ASXL3: variants seen among roughly 807,000 people sequenced by gnomAD.
The protein encoded by ASXL3 is ASXL transcriptional regulator 3, also known as putative Polycomb group protein ASXL3.
In ASXL3, 34 loss-of-function variants were observed where a neutral mutation model predicts 170.6. The observed-to-expected ratio is 0.20, with a 90% confidence interval of 0.15 to 0.27. ASXL3 has a LOEUF of 0.27. Among genes scored for constraint, ASXL3 ranks in the 10% least tolerant of loss-of-function variants. The pLI, the probability that ASXL3 is intolerant of heterozygous loss-of-function variation, is 1.00. For missense variants in ASXL3, 2,592 were observed against 2,695.3 expected, an observed-to-expected ratio of 0.96 and a Z score of 0.85; for synonymous variants, 1,002 against 989.1, an observed-to-expected ratio of 1.01 and a Z score of -0.24.
intron 10 of ASXL3, among the ~76,000 whole-genome samples, chr18:33,737,935 T>G: frequency 6.6e-6 from 1 of 152,244 alleles, no homozygotes; most frequent in African/African-American, 2.4e-5. Flanking sequence ...CTTGCAGATT[T>G]AAAAAATATA....
chr18:33,673,610 C>T (rs2066380977), intron 7 of ASXL3, among the ~76,000 whole-genome samples: 1 of 152,134 alleles, frequency 6.6e-6, no homozygotes, highest in Non-Finnish European at 1.5e-5. Flanking sequence ...AGGTGATCCG[C>T]CTGCCTTTGC....
At chr18:33,604,024 T>G (rs1473785603) in intron 1 of ASXL3, among the ~76,000 whole-genome samples, 1 of 152,020 alleles carries the variant, frequency 6.6e-6, no homozygotes, top group Non-Finnish European at 1.5e-5. Flanking sequence ...AGGGGACTGT[T>G]TTTGAGGAAA....
intron 8 of ASXL3, among the ~76,000 whole-genome samples, chr18:33,715,525 G>A (rs911057688): frequency 1.3e-5 from 2 of 152,164 alleles, no homozygotes; most frequent in Non-Finnish European, 2.9e-5. Flanking sequence ...CTGGAAGGAA[G>A]GGTGATTTTG....
chr18:33,620,827 C>A (rs890509918), intron 2 of ASXL3, among the ~76,000 whole-genome samples: 5 of 152,214 alleles, frequency 3.3e-5, no homozygotes, highest in African/African-American at 1.2e-4. Flanking sequence ...TTCCAACCAC[C>A]TAATTTCCCC....
At chr18:33,716,793 AC>A (rs1568345764) in intron 8 of ASXL3, among the ~76,000 whole-genome samples, 1 of 151,866 alleles carries the variant, frequency 6.6e-6, no homozygotes, top group East Asian at 1.9e-4. Context: ...TGAACTGTAT[AC>A]TGTCTTCAAG....
intron 8 of ASXL3, among the ~76,000 whole-genome samples, chr18:33,699,883 TTTTA>T (rs1447942224): frequency 1.3e-5 from 2 of 152,082 alleles, no homozygotes; most frequent in Non-Finnish European, 2.9e-5. Context: ...ATACATTATT[TTTTA>T]TTTATATTAT....
chr18:33,610,624 G>T (rs1354662904), intron 2 of ASXL3, among the ~76,000 whole-genome samples: 1 of 151,982 alleles, frequency 6.6e-6, no homozygotes, highest in African/African-American at 2.4e-5. Context: ...CTGCCTGTGT[G>T]TGAGCTCCTT....
At chr18:33,664,644 G>A (rs1449385713) in intron 5 of ASXL3, among the ~76,000 whole-genome samples, 1 of 152,136 alleles carries the variant, frequency 6.6e-6, no homozygotes, top group East Asian at 1.9e-4. Context: ...ACAACAAACT[G>A]TCTTACAAAA....
chr18:33,674,165 TC>T (rs530706732), intron 7 of ASXL3, among the ~76,000 whole-genome samples: 16 of 152,282 alleles, frequency 1.1e-4, no homozygotes, highest in Admixed American at 5.9e-4. Flanking sequence ...CATATCTAAC[TC>T]CAAAGTCTAA....
At chr18:33,700,405 T>C (rs1439448121) in intron 8 of ASXL3, among the ~76,000 whole-genome samples, 1 of 151,914 alleles carries the variant, frequency 6.6e-6, no homozygotes, top group African/African-American at 2.4e-5. Flanking sequence ...ATTTGAAGTT[T>C]CCTAGTGGAA....
At chr18:33,707,125 A>G (rs1248829826) in intron 8 of ASXL3, among the ~76,000 whole-genome samples, 1 of 151,728 alleles carries the variant, frequency 6.6e-6, no homozygotes, top group African/African-American at 2.4e-5. Flanking sequence ...TTACACCAAA[A>G]CCATGTTATC....
intron 1 of ASXL3, among the ~76,000 whole-genome samples, chr18:33,587,210 C>A (rs1312614383): frequency 6.6e-6 from 1 of 152,142 alleles, no homozygotes; most frequent in Admixed American, 6.6e-5. Flanking sequence ...AGTGATATAT[C>A]ATTGAATTTT....
In ASXL3 at chr18:33,679,704, T is replaced by C. The variant is rs114200020; in HGVS notation, c.716-3701T>C. On this transcript the variant is annotated intron_variant, in intron 7 of 11. Coordinates refer to ENST00000269197, the MANE Select transcript of ASXL3 (RefSeq NM_030632.3). The stretch of plus-strand genomic sequence containing the variant: ...GTACTGATTCATTTTTTAAAAAGTT[T>C]TTACACATTTATCATTCTCTTTTCA... 3.2e-3 allele frequency among the ~76,000 whole-genome samples: 491 copies of C among 152,234 alleles called. 2 individuals carry two copies. Among genetic ancestry groups the C allele is most frequent in the Middle Eastern group, 0.014 (4 of 294 alleles).
intron 8 of ASXL3, among the ~76,000 whole-genome samples, chr18:33,686,053 C>T (rs1178184556): frequency 6.6e-6 from 1 of 152,192 alleles, no homozygotes; most frequent in Admixed American, 6.5e-5. Flanking sequence ...TATTGATGGC[C>T]AGAATCTAAG....
intron 2 of ASXL3, among the ~76,000 whole-genome samples, chr18:33,609,639 A>G (rs528392234): frequency 6.6e-6 from 1 of 152,164 alleles, no homozygotes; most frequent in Admixed American, 6.6e-5. Context: ...GAAATGGGAA[A>G]CATAACTCCC....
At chr18:33,684,395 A>G (rs1373151151) in intron 8 of ASXL3, among the ~76,000 whole-genome samples, 1 of 152,164 alleles carries the variant, frequency 6.6e-6, no homozygotes, top group Non-Finnish European at 1.5e-5. Context: ...AATTCATTCA[A>G]TATTTCCATA....
chr18:33,607,916 T>A (rs1055845648), intron 2 of ASXL3, among the ~76,000 whole-genome samples: 7 of 152,014 alleles, frequency 4.6e-5, no homozygotes, highest in African/African-American at 1.7e-4. Context: ...AGAACAGCAC[T>A]GTGTGACTTA....
chr18:33,607,946 C>T (rs726145), intron 2 of ASXL3, among the ~76,000 whole-genome samples: 2 of 151,796 alleles, frequency 1.3e-5, no homozygotes, highest in Non-Finnish European at 2.9e-5. Flanking sequence ...TGAAGTTATT[C>T]CTGTTTCTTG....
chr18:33,594,343 C>G (rs1279175264), intron 1 of ASXL3, among the ~76,000 whole-genome samples: 2 of 152,036 alleles, frequency 1.3e-5, no homozygotes. Context: ...AATAATTTTT[C>G]TTCGTTCTGT....
Sources: allele counts gnomAD v4.1 joint callset (sites outside exome capture counted in the v4.1 genomes callset), GRCh38; gene constraint gnomAD v4.1.1; transcripts MANE v1.5; gene names NCBI Gene and HGNC (gene_info 2026-07-23, HGNC 2026-07-21).